Variants in KLHL13 observed in about 807,000 individuals in gnomAD.
KLHL13 encodes kelch-like protein 13.
In KLHL13, 10 loss-of-function variants were observed where a neutral mutation model predicts 37.1. That is an observed-to-expected ratio of 0.27 (90% CI 0.17 to 0.46). The LOEUF (loss-of-function observed/expected upper bound fraction) is 0.46, where lower values mean the gene tolerates loss of function less well. Ranked by LOEUF, KLHL13 falls within the 20% of genes least tolerant of loss-of-function variation. The probability of loss-of-function intolerance (pLI) is 1.00; values close to 1 mark genes in which losing one functional copy is unlikely to be tolerated. For missense variants in KLHL13, 360 were observed against 509.3 expected (o/e 0.71, Z 2.82); for synonymous variants, 163 against 181.2 (o/e 0.90, Z 0.81).
intron 1 of KLHL13, among the ~76,000 whole-genome samples, chrX:118,019,624 A>C (rs1435271251): frequency 1.8e-5 from 2 of 111,188 alleles, no homozygotes; most frequent in Admixed American, 1.9e-4. Flanking sequence ...TTATGGTTTT[A>C]GGTCTAACGT....
intron 1 of KLHL13, among the ~76,000 whole-genome samples, chrX:118,022,316 C>T (rs1010525577): frequency 3.6e-5 from 4 of 111,693 alleles, no homozygotes; most frequent in African/African-American, 9.8e-5. Flanking sequence ...ACAGATATCT[C>T]GAGGAAGTGC....
chrX:118,072,510 C>G (rs2054881322), intron 1 of KLHL13, among the ~76,000 whole-genome samples: 2 of 111,128 alleles, frequency 1.8e-5, no homozygotes, highest in Admixed American at 1.9e-4. Flanking sequence ...AGCTTCTGCA[C>G]AGCAAAAGAA....
At chrX:118,067,759 G>A (rs1404530345) in intron 1 of KLHL13, among the ~76,000 whole-genome samples, 8 of 110,730 alleles carry the variant, frequency 7.2e-5, no homozygotes, top group Admixed American at 4.8e-4. Flanking sequence ...GGGCAATAAC[G>A]TGCATGGAGC....
At chrX:118,101,391 G>T (rs1350215275) in intron 1 of KLHL13, among the ~76,000 whole-genome samples, 1 of 111,557 alleles carries the variant, frequency 9.0e-6, no homozygotes, top group Non-Finnish European at 1.9e-5. Context: ...AGATAACTGA[G>T]TTAGCCCCTG....
intron 1 of KLHL13, among the ~76,000 whole-genome samples, chrX:117,950,625 C>A (rs1933544843): frequency 9.0e-6 from 1 of 111,716 alleles, no homozygotes; most frequent in Non-Finnish European, 1.9e-5. Flanking sequence ...AAAATGAAAA[C>A]AAAAACAAGA....
At chrX:117,944,816 T>A (rs746333691) in intron 2 of KLHL13, among the ~76,000 whole-genome samples, 285 of 111,688 alleles carry the variant, frequency 2.6e-3, no homozygotes, top group Non-Finnish European at 3.3e-3. Flanking sequence ...TAGCTCCAGA[T>A]TGCTGTGTTT....
At chrX:118,051,675 AACAG>A (rs753223037) in intron 1 of KLHL13, among the ~76,000 whole-genome samples, 8 of 111,668 alleles carry the variant, frequency 7.2e-5, no homozygotes, top group African/African-American at 2.6e-4. Context: ...CATATCCAGG[AACAG>A]ACAAACTCAA....
chrX:118,032,505 C>T lies in KLHL13; in HGVS notation c.-56+84003G>A, dbSNP rs989722957. Among the ~76,000 whole-genome samples the T allele has an allele frequency of 2.4e-3, 267 of 111,809 alleles. 2 individuals carry two copies. The highest frequency in any genetic ancestry group is 2.7e-3 in the Non-Finnish European group (146 of 53,103). ...GCCTGACACCTCACAGGGCCAGGTA[C>T]TCCAACAGACCTGCAGCTGAGGGTC... On this transcript the variant is annotated intron_variant, in intron 1 of 6. Coordinates refer to the KLHL13 transcript ENST00000371882.
chrX:118,033,022 G>C (rs1018178866), intron 1 of KLHL13, among the ~76,000 whole-genome samples: 9 of 110,964 alleles, frequency 8.1e-5, no homozygotes, highest in Non-Finnish European at 1.5e-4. Context: ...GAAATGAAGT[G>C]AGAAGGGAAG....
intron 1 of KLHL13, among the ~76,000 whole-genome samples, chrX:118,053,779 G>GTGTGTGTGTC (rs1461614166): frequency 2.2e-4 from 19 of 85,767 alleles, no homozygotes; most frequent in African/African-American, 9.6e-4. Flanking sequence ...GTGTGTGTGT[G>GTGTGTGTGTC]TGTGTGTGTG....
intron 2 of KLHL13, among the ~76,000 whole-genome samples, chrX:117,929,221 T>C (rs1932256750): frequency 8.9e-6 from 1 of 111,952 alleles, no homozygotes; most frequent in African/African-American, 3.2e-5. Context: ...TAAGATGAAA[T>C]GGTTTCACTG....
chrX:118,078,338 C>T (rs1002146335), intron 1 of KLHL13, among the ~76,000 whole-genome samples: 2 of 111,428 alleles, frequency 1.8e-5, no homozygotes, highest in African/African-American at 6.5e-5. Context: ...ATATAATAGT[C>T]ATAATTACAA....
At chrX:117,986,684 C>T (rs1028537729) in intron 1 of KLHL13, among the ~76,000 whole-genome samples, 1 of 111,703 alleles carries the variant, frequency 9.0e-6, no homozygotes, top group Non-Finnish European at 1.9e-5. Flanking sequence ...GAAATCTCTT[C>T]CAAACTCCAC....
At chrX:118,073,106 A>C (rs747357801) in intron 1 of KLHL13, among the ~76,000 whole-genome samples, 48 of 108,813 alleles carry the variant, frequency 4.4e-4, no homozygotes, top group African/African-American at 1.0e-3. Context: ...AAAAAAAAAA[A>C]CCCCACAAAT....
chrX:118,044,173 CAAAGATGTT>C (rs200211768), intron 1 of KLHL13, among the ~76,000 whole-genome samples: 2,212 of 110,980 alleles, frequency 0.02, 60 homozygotes, highest in African/African-American at 0.068. Context: ...AAGAATTAAC[CAAAGATGTT>C]AAAGACCTCT....
intron 1 of KLHL13, among the ~76,000 whole-genome samples, chrX:118,079,439 A>G: frequency 9.0e-6 from 1 of 111,501 alleles, no homozygotes; most frequent in East Asian, 2.8e-4. Flanking sequence ...CCATTTTAGC[A>G]AGATTTTGGG....
At chrX:118,010,089 A>C (rs1321620839) in intron 1 of KLHL13, among the ~76,000 whole-genome samples, 3 of 106,337 alleles carry the variant, frequency 2.8e-5, no homozygotes, top group Non-Finnish European at 3.9e-5. Context: ...GTCAGGAAAC[A>C]ACAGGTGCTG....
At chrX:118,075,288 A>C (rs113136590) in intron 1 of KLHL13, among the ~76,000 whole-genome samples, 1,414 of 111,654 alleles carry the variant, frequency 0.013, 9 homozygotes, top group Non-Finnish European at 0.021. Flanking sequence ...TGAAGGGTTT[A>C]TGTGTAACTC....
intron 1 of KLHL13, among the ~76,000 whole-genome samples, chrX:117,979,079 C>T (rs769663590): frequency 2.9e-4 from 32 of 110,252 alleles, no homozygotes; most frequent in African/African-American, 5.3e-4. Flanking sequence ...TACAGGCATG[C>T]GCCACCACGC....
Sources: gnomAD v4.1 joint callset for allele counts (sites outside exome capture counted in the v4.1 genomes callset) on GRCh38, gnomAD v4.1.1 for gene constraint, MANE v1.5 for transcripts, NCBI Gene and HGNC (gene_info 2026-07-23, HGNC 2026-07-21) for gene names.